The following RAI1 variants were observed in gnomAD, a reference collection of about 807,000 sequenced individuals.
RAI1 encodes retinoic acid induced 1, also known as retinoic acid-induced protein 1.
Under a neutral mutation model 123.8 loss-of-function variants are expected in RAI1, and 9 were observed. The ratio of observed to expected loss-of-function variants is 0.07; its 90% CI spans 0.04 to 0.13. The LOEUF is 0.13. RAI1 is among the 10% of genes least tolerant of loss of function. RAI1 has a pLI of 1.00. For synonymous variants in RAI1, 1,231 were observed against 1,127.3 expected (o/e 1.09, Z -1.84); for missense variants, 2,256 against 2,545.8 (o/e 0.89, Z 2.45).
chr17:17,755,025 T>A (rs554825458), intron 2 of RAI1, among the ~76,000 whole-genome samples: 1 of 152,222 alleles, frequency 6.6e-6, no homozygotes, highest in South Asian at 2.1e-4. Context: ...GGAGAGGAAA[T>A]AGCCATAGCT....
chr17:17,682,800 G>T (rs896120550), intron 1 of RAI1, among the ~76,000 whole-genome samples: 6 of 152,032 alleles, frequency 3.9e-5, no homozygotes, highest in African/African-American at 1.5e-4. Context: ...CCACGCAGGG[G>T]CCGGAGTGCG....
chr17:17,698,123 A>G (rs1915096229), intron 1 of RAI1, among the ~76,000 whole-genome samples: 1 of 152,142 alleles, frequency 6.6e-6, no homozygotes, highest in Non-Finnish European at 1.5e-5. Flanking sequence ...CCATAGCCCT[A>G]ATGCAAAGCA....
At chr17:17,741,158 C>T (rs184306745) in intron 2 of RAI1, among the ~76,000 whole-genome samples, 77 of 152,276 alleles carry the variant, frequency 5.1e-4, no homozygotes, top group Admixed American at 1.2e-3. Context: ...CTTAAGCGCA[C>T]ACGTACACGC....
intron 4 of RAI1, among the ~76,000 whole-genome samples, chr17:17,805,140 C>A (rs962128012): frequency 6.6e-6 from 1 of 152,190 alleles, no homozygotes; most frequent in Non-Finnish European, 1.5e-5. Flanking sequence ...GGATTACAGG[C>A]GTGAGCCACT....
chr17:17,740,029 G>A (rs1167172832), intron 2 of RAI1, among the ~76,000 whole-genome samples: 1 of 152,240 alleles, frequency 6.6e-6, no homozygotes, highest in African/African-American at 2.4e-5. Context: ...CCACCCTGAG[G>A]GAATCACAGG....
chr17:17,810,902 T>TA lies in RAI1; in HGVS notation c.*922dup, dbSNP rs1317327216. ...CTAGATTTCGTGTACAAAACCTGTGTACCCCTCTATATATATGTTACATAG... is the reference window on the plus strand; with the variant it reads ...CTAGATTTCGTGTACAAAACCTGTGTAACCCCTCTATATATATGTTACATAG... On this transcript the variant is annotated 3_prime_UTR_variant, in exon 6 of 6. Coordinates refer to ENST00000353383, the MANE Select transcript of RAI1 (RefSeq NM_030665.4). This position sits in a 1 kb window ranked among gnomAD's most constrained non-coding sequence, Gnocchi z 4.6. 1 of 420,922 alleles carries TA rather than the reference T, an allele frequency of 2.4e-6. No individual in the cohort carries two copies. Among genetic ancestry groups the TA allele is most frequent in the African/African-American group, 2.0e-5 (1 of 49,032 alleles). The allele number at this position is 420,922 out of a possible 1,614,324, so 26.1% of individuals were successfully genotyped here.
intron 2 of RAI1, among the ~76,000 whole-genome samples, chr17:17,728,847 C>G (rs1567854611): frequency 6.6e-6 from 1 of 152,186 alleles, no homozygotes; most frequent in Non-Finnish European, 1.5e-5. Flanking sequence ...GGCCCAGATG[C>G]CCTTCATAGC....
intron 2 of RAI1, among the ~76,000 whole-genome samples, chr17:17,781,146 A>C (rs2031565188): frequency 6.6e-6 from 1 of 152,014 alleles, no homozygotes; most frequent in Admixed American, 6.5e-5. Context: ...TCAGGTTCCC[A>C]AATAGGCGGT....
chr17:17,792,636 G>A (rs886805928), intron 2 of RAI1, among the ~76,000 whole-genome samples: 7 of 151,868 alleles, frequency 4.6e-5, no homozygotes, highest in African/African-American at 1.5e-4. Context: ...TTTGCCTCCC[G>A]CATCAGTGGC....
chr17:17,683,472 C>A (rs1426704967), intron 1 of RAI1: 1 of 152,270 alleles, frequency 6.6e-6, no homozygotes, highest in Non-Finnish European at 1.5e-5. Context: ...CAGAGGCTTT[C>A]CTGGGACGTG....
At chr17:17,792,780 G>T (rs970940118) in intron 2 of RAI1, among the ~76,000 whole-genome samples, 153 bp from the exon 3 acceptor site, 2 of 149,970 alleles carry the variant, frequency 1.3e-5, no homozygotes, top group Non-Finnish European at 3.0e-5. Flanking sequence ...TAAGAGCTGC[G>T]CGGGGGAGCA....
intron 2 of RAI1, among the ~76,000 whole-genome samples, chr17:17,733,602 G>T (rs750853896): frequency 1.3e-5 from 2 of 152,108 alleles, no homozygotes; most frequent in Non-Finnish European, 2.9e-5. Flanking sequence ...GCACGCCCCA[G>T]GTCCCAGTAA....
chr17:17,778,673 G>A (rs893538820), intron 2 of RAI1: 3 of 455,634 alleles, frequency 6.6e-6, no homozygotes, highest in Non-Finnish European at 1.3e-5. Context: ...CATTGGTCTG[G>A]CTGTGGTGAA....
At chr17:17,787,754 A>G (rs1024478659) in intron 2 of RAI1, among the ~76,000 whole-genome samples, 6 of 152,114 alleles carry the variant, frequency 3.9e-5, no homozygotes, top group African/African-American at 1.4e-4. Flanking sequence ...GAGTTAGGGG[A>G]CCTGGGCACC....
rs1483973497 is a variant in RAI1, at chr17:17,811,334, TTGTG to T, written c.*1357_*1360del. 1.1e-5 allele frequency: 3 copies of T among 261,466 alleles called. No homozygotes were observed. The highest frequency in any genetic ancestry group is 3.6e-5 in the South Asian group (1 of 27,856). The allele number at this position is 261,466 out of a possible 1,614,324, so 16.2% of individuals were successfully genotyped here. A position where few individuals can be genotyped will look rare whatever the true frequency, so the allele number is the denominator to read the frequency against. ...TTAGTATATTGCTTCACACTGAAGA[TTGTG>T]TGTATCGAGCTGTTTCTAAAAGATG... On this transcript the variant is annotated 3_prime_UTR_variant, in exon 6 of 6. Transcript: ENST00000353383.
At chr17:17,723,729 C>CGCGGGCT (rs1315567220) in intron 1 of RAI1, among the ~76,000 whole-genome samples, 1 of 144,508 alleles carries the variant, frequency 6.9e-6, no homozygotes, top group East Asian at 2.3e-4. Flanking sequence ...GAGTCTGGGG[C>CGCGGGCT]GCGGGCTGCG....
At position 17,685,619 on chromosome 17, in the gene RAI1, C is replaced by T. The variant is rs1166369515; in HGVS notation, c.-149+3826C>T. Among the ~76,000 whole-genome samples, 2 of 152,190 alleles carry T rather than the reference C, an allele frequency of 1.3e-5. No individual in the cohort carries two copies. Among genetic ancestry groups the T allele is most frequent in the African/African-American group, 4.8e-5 (2 of 41,454 alleles). ...AGAGGTTGGGCTGTTGCTGGGACCT[C>T]CTCACTGGCCTCCCTGCCTCCATCC... On this transcript the variant is annotated intron_variant, in intron 1 of 5. Transcript: ENST00000353383. This position sits in a 1 kb window ranked among gnomAD's most constrained non-coding sequence, Gnocchi z 4.0.
intron 2 of RAI1, among the ~76,000 whole-genome samples, chr17:17,750,916 C>T (rs1037384324): frequency 1.3e-5 from 2 of 152,190 alleles, no homozygotes; most frequent in African/African-American, 4.8e-5. Flanking sequence ...GAGTACATCT[C>T]TCTGAGGGTC....
intron 2 of RAI1, among the ~76,000 whole-genome samples, chr17:17,771,400 G>T (rs1288203485): frequency 6.6e-6 from 1 of 152,196 alleles, no homozygotes; most frequent in Non-Finnish European, 1.5e-5. Context: ...GAACAAGTGG[G>T]TGATCTCTAA....
Sources: gnomAD v4.1 joint callset for allele counts (sites outside exome capture counted in the v4.1 genomes callset) on GRCh38, gnomAD v4.1.1 for gene constraint, Gnocchi (gnomAD v3.1) non-coding constraint, MANE v1.5 for transcripts, NCBI Gene and HGNC (gene_info 2026-07-23, HGNC 2026-07-21) for gene names.